The following AGTPBP1 variants were observed in gnomAD, a reference collection of about 807,000 sequenced individuals.
AGTPBP1 encodes the protein ATP/GTP binding carboxypeptidase 1, also known as cytosolic carboxypeptidase 1.
AGTPBP1 carries 70 observed loss-of-function variants against 143.9 expected under a neutral mutation model. The observed-to-expected ratio is 0.49, with a 90% CI of 0.40 to 0.59. The LOEUF is 0.59. AGTPBP1 is among the 20% of genes least tolerant of loss of function. The pLI is 0.00. For missense variants in AGTPBP1, 1,229 were observed against 1,464.5 expected, an observed-to-expected ratio of 0.84 and a Z score of 2.62; for synonymous variants, 463 against 500.2, an observed-to-expected ratio of 0.93 and a Z score of 0.99.
intron 9 of AGTPBP1, among the ~76,000 whole-genome samples, chr9:85,659,615 T>C (rs1289124179): frequency 1.3e-5 from 2 of 152,120 alleles, no homozygotes; most frequent in African/African-American, 2.4e-5. Context: ...AATATTAAAT[T>C]ACAGTAATCA....
the AGTPBP1 span, among the ~76,000 whole-genome samples, chr9:85,783,179 G>A: frequency 4.7e-4 from 72 of 152,276 alleles, no homozygotes; most frequent in African/African-American, 1.7e-3. Context: ...GTTAATCTTG[G>A]AGAGGTGTAA....
chr9:85,659,520 A>G (rs1308678563), intron 9 of AGTPBP1, among the ~76,000 whole-genome samples: 1 of 152,088 alleles, frequency 6.6e-6, no homozygotes, highest in Non-Finnish European at 1.5e-5. Flanking sequence ...TTTTATTTTG[A>G]TGGAATAAAC....
intron 1 of AGTPBP1, among the ~76,000 whole-genome samples, chr9:85,716,956 A>G (rs1285058054): frequency 6.6e-6 from 1 of 152,180 alleles, no homozygotes; most frequent in Non-Finnish European, 1.5e-5. Flanking sequence ...TTTTCCTCCA[A>G]CATGCCAGGC....
At chr9:85,571,085 A>C (rs1225973993) in intron 25 of AGTPBP1, among the ~76,000 whole-genome samples, 4 of 152,248 alleles carry the variant, frequency 2.6e-5, no homozygotes, top group Non-Finnish European at 5.9e-5. Flanking sequence ...TTGAGCATGC[A>C]TGTATATGCA....
chr9:85,669,409 C>A (rs919167441), intron 8 of AGTPBP1, 76 bp downstream of exon 8: 4 of 756,940 alleles, frequency 5.3e-6, no homozygotes, highest in Non-Finnish European at 8.6e-6. Flanking sequence ...TCAACCTGCT[C>A]ATTGTACATA....
intron 8 of AGTPBP1, among the ~76,000 whole-genome samples, chr9:85,663,911 T>A (rs149498253): frequency 0.028 from 4,308 of 152,080 alleles, 110 homozygotes; most frequent in Non-Finnish European, 0.043. Context: ...AAATGTCCAT[T>A]AAGAGGTGAA....
chr9:85,721,750 A>T (rs1838137873), intron 1 of AGTPBP1, among the ~76,000 whole-genome samples: 1 of 152,134 alleles, frequency 6.6e-6, no homozygotes, highest in Non-Finnish European at 1.5e-5. Context: ...TAATTGATGC[A>T]GTTTCTTCAT....
chr9:85,777,132 C>T, the AGTPBP1 span, among the ~76,000 whole-genome samples: 1 of 152,182 alleles, frequency 6.6e-6, no homozygotes, highest in Non-Finnish European at 1.5e-5. Context: ...CCCACTGCCA[C>T]ACTTCTTTAG....
intron 3 of AGTPBP1, among the ~76,000 whole-genome samples, chr9:85,684,485 T>C (rs1835372472): frequency 6.6e-6 from 1 of 152,048 alleles, no homozygotes; most frequent in African/African-American, 2.4e-5. Flanking sequence ...ATACACTTTT[T>C]ATTATTCCAC....
At position 85,589,677 on chromosome 9, in the gene AGTPBP1, T is replaced by C. The variant is rs766097574; in HGVS notation, c.2573A>G (p.His858Arg). The part of the protein sequence containing the change: ...YPYTYSTLQM[H>R]LQKLESAHNP... Reference sequence around the variant, plus strand: ...GTGTGCTGATTCCAATTTTTGAAGATGCATCTTGATAAAAATTTTAAAACA... The same window carrying C: ...GTGTGCTGATTCCAATTTTTGAAGACGCATCTTGATAAAAATTTTAAAACA... Residue 858 changes from histidine (H) to arginine (R), a missense_variant, in exon 20 of 26, where the codon CAT (histidine) becomes CGT (arginine). This residue lies in a region of AGTPBP1 where 486 missense variants were observed against 652.3 expected (regional missense o/e 0.75). Transcript: ENST00000357081. 1 of 1,602,702 alleles carries C rather than the reference T, an allele frequency of 6.2e-7. No individual in the cohort carries two copies. The highest frequency in any genetic ancestry group is 1.1e-5 in the South Asian group (1 of 88,810).
At chr9:85,569,307 T>C (rs1180433362) in intron 25 of AGTPBP1, among the ~76,000 whole-genome samples, 1 of 152,076 alleles carries the variant, frequency 6.6e-6, no homozygotes, top group East Asian at 1.9e-4. Flanking sequence ...ACATTACCAA[T>C]AATGTAAATA....
chr9:85,635,517 TA>T lies in AGTPBP1; in HGVS notation c.1303-2144del, dbSNP rs1185335811. 5.9e-5 allele frequency among the ~76,000 whole-genome samples: 9 copies of T among 152,216 alleles called. 1 individual carries two copies. The East Asian group carries it at 1.5e-3, about 26-fold the overall frequency. ...AACTATTTACAACTTTTACATATAT[TA>T]AATATTTACAATTGTTACATATATT... On this transcript the variant is annotated intron_variant, in intron 13 of 25. Transcript: ENST00000357081.
chr9:85,576,556 TATAC>T (rs1321678596), intron 24 of AGTPBP1, among the ~76,000 whole-genome samples: 1 of 152,200 alleles, frequency 6.6e-6, no homozygotes, highest in African/African-American at 2.4e-5. Context: ...TTAGAAAGGT[TATAC>T]ATGTTTCTGA....
At chr9:85,657,152 C>A (rs1380881488) in intron 10 of AGTPBP1, among the ~76,000 whole-genome samples, 1 of 141,292 alleles carries the variant, frequency 7.1e-6, no homozygotes, top group African/African-American at 2.7e-5. Flanking sequence ...GCACAATGTG[C>A]ACATGTACCC....
intron 8 of AGTPBP1, among the ~76,000 whole-genome samples, chr9:85,667,564 A>G (rs1232096928): frequency 6.6e-6 from 1 of 152,134 alleles, no homozygotes; most frequent in Non-Finnish European, 1.5e-5. Flanking sequence ...GATAACCTCA[A>G]CTCAATTATC....
intron 17 of AGTPBP1, among the ~76,000 whole-genome samples, chr9:85,603,278 G>A (rs778540152): frequency 1.3e-4 from 20 of 152,124 alleles, no homozygotes; most frequent in Admixed American, 4.6e-4. Context: ...GAGTGGAGAC[G>A]GGAGAGTAAA....
intron 17 of AGTPBP1, among the ~76,000 whole-genome samples, chr9:85,609,534 G>T (rs1156769363): frequency 6.6e-6 from 1 of 152,114 alleles, no homozygotes; most frequent in Admixed American, 6.6e-5. Flanking sequence ...GCCTGCCTTG[G>T]CCTCCCAAAG....
At chr9:85,677,980 G>A (rs1001072450) in intron 5 of AGTPBP1, among the ~76,000 whole-genome samples, 9 of 152,062 alleles carry the variant, frequency 5.9e-5, no homozygotes, top group Admixed American at 2.0e-4. Flanking sequence ...CTCAAGCCTC[G>A]GTGACAAGAG....
At chr9:85,673,536 A>G (rs1379339195) in intron 6 of AGTPBP1, among the ~76,000 whole-genome samples, 1 of 152,224 alleles carries the variant, frequency 6.6e-6, no homozygotes, top group African/African-American at 2.4e-5. Context: ...TAACACAGGA[A>G]GGGAAGAAAA....
Sources: allele counts gnomAD v4.1 joint callset (sites outside exome capture counted in the v4.1 genomes callset), GRCh38; gene constraint gnomAD v4.1.1; regional missense constraint gnomAD v4.1.1; transcripts MANE v1.5; gene names NCBI Gene and HGNC (gene_info 2026-07-23, HGNC 2026-07-21).